Variants in RPS6KB1 observed in about 807,000 individuals in gnomAD.
The protein encoded by RPS6KB1 is ribosomal protein S6 kinase beta-1.
Under a neutral mutation model 70.2 loss-of-function variants are expected in RPS6KB1, and 12 were observed. That is an observed-to-expected ratio of 0.17 (90% CI 0.11 to 0.28). RPS6KB1 has a LOEUF of 0.28. Among genes scored for constraint, RPS6KB1 ranks in the 10% least tolerant of loss-of-function variants. The pLI is 1.00. For missense variants in RPS6KB1, 270 were observed against 646.6 expected (o/e 0.42, Z 6.32); for synonymous variants, 175 against 211.2 (o/e 0.83, Z 1.49).
In RPS6KB1 at chr17:59,923,274, C is replaced by T. The variant is rs528234352; in HGVS notation, c.382-3161C>T. ...CCAGGCTGCCTCAGCTCACTGCAAC[C>T]TCTGCCTCCCAGGTTCCAGTCATTC... On this transcript the variant is annotated intron_variant, in intron 4 of 14. Transcript: ENST00000225577. Among the ~76,000 whole-genome samples, 13 of 152,124 alleles carry T rather than the reference C, an allele frequency of 8.5e-5. No homozygotes were observed. In the East Asian group the frequency reaches 2.5e-3, roughly 30 times the overall value.
At chr17:59,909,968 C>T (rs980503245) in intron 1 of RPS6KB1, among the ~76,000 whole-genome samples, 18 of 151,996 alleles carry the variant, frequency 1.2e-4, no homozygotes, top group African/African-American at 2.9e-4. Context: ...GCCGAGATGG[C>T]GCCACTGCAC....
chr17:59,938,595 G>T (rs1479889296), intron 12 of RPS6KB1, among the ~76,000 whole-genome samples: 1 of 151,902 alleles, frequency 6.6e-6, no homozygotes, highest in African/African-American at 2.4e-5. Flanking sequence ...ATGTTCATCT[G>T]TTCTCTGAAT....
At chr17:59,912,978 A>G (rs535751991) in intron 3 of RPS6KB1, among the ~76,000 whole-genome samples, 174 bp downstream of exon 3, 50 of 152,292 alleles carry the variant, frequency 3.3e-4, no homozygotes, top group African/African-American at 1.2e-3. Flanking sequence ...CCTTCTTTTC[A>G]TACCACCACA....
In RPS6KB1 at chr17:59,935,233, A is replaced by G. The variant is rs766770547; in HGVS notation, c.911A>G (p.Lys304Arg). Residue 304 changes from lysine (K) to arginine (R), a missense_variant, in exon 10 of 15, where the codon AAA becomes AGA. By Grantham distance (26) the Lys-to-Arg change is conservative. Around this residue, in one of 4 missense-constraint regions of RPS6KB1, gnomAD observed 133 missense variants for 314.7 expected, o/e 0.42. Coordinates refer to ENST00000225577, the MANE Select transcript of RPS6KB1 (RefSeq NM_003161.4). ...TGENRKKTID[K>R]ILKCKLNLPP... is the part of the protein sequence containing the mutation. ...GAGAATAGAAAGAAAACAATTGACAAAATCCTCAAATGTAAACTCAATTTG... is the reference window on the plus strand; with the variant it reads ...GAGAATAGAAAGAAAACAATTGACAGAATCCTCAAATGTAAACTCAATTTG... 2 of 1,612,976 alleles carry G rather than the reference A, an allele frequency of 1.2e-6. No homozygotes were observed. Among genetic ancestry groups the G allele is most frequent in the Non-Finnish European group, 1.7e-6 (2 of 1,179,174 alleles).
intron 1 of RPS6KB1, among the ~76,000 whole-genome samples, chr17:59,900,203 C>G (rs2041832687): frequency 6.7e-6 from 1 of 150,278 alleles, no homozygotes; most frequent in South Asian, 2.1e-4. Context: ...CACACACACA[C>G]ACACACACAC....
At position 59,950,466 on chromosome 17, in the gene RPS6KB1, G is replaced by A. The variant is rs1030362744; in HGVS notation, c.*3678G>A. ...TTTTTTATTATCTTAAAGATAGGAAGGAATTAGTATACGTATCAGGTGTAT... is the reference window on the plus strand; with the variant it reads ...TTTTTTATTATCTTAAAGATAGGAAAGAATTAGTATACGTATCAGGTGTAT... On this transcript the variant is annotated 3_prime_UTR_variant, in exon 15 of 15. Transcript: ENST00000225577. 1 of 152,156 alleles carries A rather than the reference G, an allele frequency of 6.6e-6. No homozygotes were observed. The highest frequency in any genetic ancestry group is 1.5e-5 in the Non-Finnish European group (1 of 67,892). 9.4% of individuals were successfully genotyped at this position (152,156 alleles called of 1,614,324 possible). A position where few individuals can be genotyped will look rare whatever the true frequency, so the allele number is the denominator to read the frequency against.
chr17:59,945,619 A>G, intron 14 of RPS6KB1, 101 bp downstream of exon 14: 2 of 672,276 alleles, frequency 3.0e-6, no homozygotes, highest in Non-Finnish European at 5.4e-6. Context: ...AAAGACTGTC[A>G]TACTCTCTTT....
At chr17:59,941,840 G>T (rs370626381) in intron 13 of RPS6KB1, among the ~76,000 whole-genome samples, 29 of 147,860 alleles carry the variant, frequency 2.0e-4, no homozygotes, top group African/African-American at 7.3e-4. Flanking sequence ...CACCATGTTG[G>T]CCAGGATGGT....
At chr17:59,918,922 C>A (rs1461344768) in intron 4 of RPS6KB1, among the ~76,000 whole-genome samples, 1 of 149,746 alleles carries the variant, frequency 6.7e-6, no homozygotes, top group Middle Eastern at 3.2e-3. Flanking sequence ...ATTTCCACCT[C>A]CTGGGTTCAA....
chr17:59,907,521 A>C (rs971076191), intron 1 of RPS6KB1: 1 of 151,128 alleles, frequency 6.6e-6, no homozygotes, highest in African/African-American at 2.4e-5. Flanking sequence ...TTCAGTGTGT[A>C]AGTCTTACAC....
At chr17:59,905,653 C>T (rs1444205337) in intron 1 of RPS6KB1, among the ~76,000 whole-genome samples, 8 of 151,660 alleles carry the variant, frequency 5.3e-5, no homozygotes, top group Non-Finnish European at 8.8e-5. Flanking sequence ...TACAGGCTCC[C>T]GCCACAATGC....
At chr17:59,922,537 A>G (rs1371685301) in intron 4 of RPS6KB1, among the ~76,000 whole-genome samples, 3 of 125,076 alleles carry the variant, frequency 2.4e-5, no homozygotes, top group African/African-American at 9.1e-5. Flanking sequence ...GTCTGTAAAG[A>G]TTTTTTTATA....
In RPS6KB1 at chr17:59,912,777, G is replaced by A. The variant is rs2144795551; in HGVS notation, c.285G>A (p.Arg95=). The change falls in exon 3 of 15, where the codon CGG becomes CGA. Residue 95 remains arginine (R), a synonymous_variant. Transcript: ENST00000225577. ...KIRPECFELL[R]VLGKGGYGKV... ...GACCAGAATGTTTTGAGCTACTTCGGGTACTTGGTAAAGGGGGCTATGGAA... is the reference window on the plus strand; with the variant it reads ...GACCAGAATGTTTTGAGCTACTTCGAGTACTTGGTAAAGGGGGCTATGGAA... The A allele has an allele frequency of 6.2e-7, 1 of 1,614,024 alleles. No individual in the cohort carries two copies. Among genetic ancestry groups the A allele is most frequent in the Non-Finnish European group, 8.5e-7 (1 of 1,179,992 alleles).
rs2044960256 is a variant in RPS6KB1, at chr17:59,946,909, A to G, written c.*121A>G. 3 of 1,513,122 alleles carry G rather than the reference A, an allele frequency of 2.0e-6. No homozygotes were observed. The highest frequency in any genetic ancestry group is 8.8e-7 in the Non-Finnish European group (1 of 1,133,290). The allele number at this position is 1,513,122 out of a possible 1,614,324, so 93.7% of individuals were successfully genotyped here. ...GAGAGTCAATGTCATTACATAGAACACTTCAGACACAGGAAAAATAAACGT... is the reference window on the plus strand; with the variant it reads ...GAGAGTCAATGTCATTACATAGAACGCTTCAGACACAGGAAAAATAAACGT... On this transcript the variant is annotated 3_prime_UTR_variant, in exon 15 of 15. Coordinates refer to ENST00000225577, the MANE Select transcript of RPS6KB1 (RefSeq NM_003161.4). This position sits in a 1 kb window ranked among gnomAD's most constrained non-coding sequence, Gnocchi z 4.2.
rs2044993959 is a variant in RPS6KB1 at position 59,947,489 on chromosome 17, G to A, written c.*701G>A. 6.8e-7 allele frequency: 1 copy of A among 1,470,390 alleles called. No individual in the cohort carries two copies. Among genetic ancestry groups the A allele is most frequent in the African/African-American group, 1.4e-5 (1 of 69,886 alleles). 91.1% of individuals were successfully genotyped at this position (1,470,390 alleles called of 1,614,324 possible). A position where few individuals can be genotyped will look rare whatever the true frequency, so the allele number is the denominator to read the frequency against. On this transcript the variant is annotated 3_prime_UTR_variant, in exon 15 of 15. Transcript: ENST00000225577. ...ACAGCTGTGGCTCGTTTGAGGGATT[G>A]GGGTGGACCTGGGGTTTATTTTCAG...
At chr17:59,935,797 ATTTTC>A (rs150614038) in intron 10 of RPS6KB1, among the ~76,000 whole-genome samples, 20 of 149,338 alleles carry the variant, frequency 1.3e-4, no homozygotes, top group Middle Eastern at 3.5e-3. Context: ...AGTAAACTAT[ATTTTC>A]TTTTCTTTTC....
chr17:59,936,456 T>C lies in RPS6KB1; in HGVS notation c.1042-8T>C. On this transcript the variant is annotated splice_polypyrimidine_tract_variant and splice_region_variant and intron_variant, in intron 11 of 14. Coordinates refer to ENST00000225577, the MANE Select transcript of RPS6KB1 (RefSeq NM_003161.4). ...CCTCAACTTTTCTTCCTGCTTTTTT[T>C]TTCCTAGGCTCATCCATTCTTTAGA... 1 of 1,613,096 alleles carries C rather than the reference T, an allele frequency of 6.2e-7. No homozygotes were observed. The highest frequency in any genetic ancestry group is 8.5e-7 in the Non-Finnish European group (1 of 1,179,454).
At chr17:59,915,775 CTTTTTTTTTTT>C (rs71370143) in intron 4 of RPS6KB1, among the ~76,000 whole-genome samples, 1 of 77,922 alleles carries the variant, frequency 1.3e-5, no homozygotes, top group Admixed American at 1.6e-4. Flanking sequence ...CTACTGCTAT[CTTTTTTTTTTT>C]TTTTTTTTTT....
intron 5 of RPS6KB1, among the ~76,000 whole-genome samples, chr17:59,927,510 T>TC: frequency 6.6e-6 from 1 of 151,698 alleles, no homozygotes; most frequent in African/African-American, 2.4e-5. Flanking sequence ...GGAAAAACTT[T>TC]TTTTTTTTTT....
Sources: gnomAD v4.1 joint callset for allele counts (sites outside exome capture counted in the v4.1 genomes callset) on GRCh38, gnomAD v4.1.1 for gene constraint, gnomAD v4.1.1 regional missense constraint, Gnocchi (gnomAD v3.1) non-coding constraint, MANE v1.5 for transcripts, NCBI Gene and HGNC (gene_info 2026-07-23, HGNC 2026-07-21) for gene names.